The following CDC42BPA variants were observed in gnomAD, a reference collection of about 807,000 sequenced individuals.
CDC42BPA encodes CDC42 binding protein kinase alpha.
In CDC42BPA, 80 loss-of-function variants were observed where a neutral mutation model predicts 223.5. That is an observed-to-expected ratio of 0.36 (90% CI 0.30 to 0.43). CDC42BPA has a LOEUF of 0.43. CDC42BPA is among the 20% of genes least tolerant of loss of function. The pLI is 1.00. For synonymous variants in CDC42BPA, 694 were observed against 718.6 expected, an observed-to-expected ratio of 0.97 and a Z score of 0.55; for missense variants, 1,743 against 2,099.9, an observed-to-expected ratio of 0.83 and a Z score of 3.32.
intron 15 of CDC42BPA, among the ~76,000 whole-genome samples, chr1:227,100,785 C>A (rs1176027286): frequency 5.2e-5 from 4 of 77,238 alleles, no homozygotes; most frequent in Non-Finnish European, 1.2e-4. Flanking sequence ...TGTGCGTGTG[C>A]CATCATACCC....
At chr1:227,092,092 T>C (rs907247235) in intron 15 of CDC42BPA, 101 bp from the exon 16 acceptor site, 10 of 633,070 alleles carry the variant, frequency 1.6e-5, no homozygotes, top group Middle Eastern at 3.7e-4. Context: ...AAATATCAGA[T>C]TGAACTGCAG....
intron 23 of CDC42BPA, 149 bp from the exon 24 acceptor site, chr1:227,040,385 A>G: frequency 1.7e-6 from 1 of 590,530 alleles, no homozygotes; most frequent in Non-Finnish European, 3.0e-6. Context: ...CTTATAGTTT[A>G]TGGTCTTTAA....
Position 227,186,783 on chromosome 1 carries a change from G to A in CDC42BPA, c.599+7003C>T, listed in dbSNP as rs1668843418. Among the ~76,000 whole-genome samples the A allele has an allele frequency of 2.0e-5, 3 of 152,184 alleles. No homozygotes were observed. In the South Asian group the frequency reaches 6.2e-4, roughly 32 times the overall value. On this transcript the variant is annotated intron_variant, in intron 5 of 36. Transcript: ENST00000366766. Reference sequence around the variant, plus strand: ...GCATGCAAAATTTAGTAGGCCCAGAGAGACATGAATATGGGACTTCAGTCA... The same window carrying A: ...GCATGCAAAATTTAGTAGGCCCAGAAAGACATGAATATGGGACTTCAGTCA...
At chr1:227,255,535 C>A (rs1227595890) in intron 1 of CDC42BPA, among the ~76,000 whole-genome samples, 2 of 152,080 alleles carry the variant, frequency 1.3e-5, no homozygotes, top group Admixed American at 6.6e-5. Context: ...TGCCTGTAGT[C>A]CTTAGCTACA....
intron 1 of CDC42BPA, among the ~76,000 whole-genome samples, chr1:227,282,112 C>T (rs958566178): frequency 7.3e-5 from 11 of 150,102 alleles, no homozygotes; most frequent in Admixed American, 4.7e-4. Flanking sequence ...CACTTGAACC[C>T]GGGAGGCAGA....
At chr1:227,190,685 T>C (rs888476016) in intron 5 of CDC42BPA, among the ~76,000 whole-genome samples, 20 of 152,246 alleles carry the variant, frequency 1.3e-4, no homozygotes, top group Non-Finnish European at 4.4e-5. Flanking sequence ...CAATTCCACA[T>C]AGTTTAGCAC....
intron 16 of CDC42BPA, among the ~76,000 whole-genome samples, chr1:227,086,073 GA>G (rs1681825912): frequency 6.6e-6 from 1 of 152,048 alleles, no homozygotes; most frequent in African/African-American, 2.4e-5. Flanking sequence ...TTCTATCAAT[GA>G]AATAACAGAA....
chr1:227,164,873 G>C (rs1227253436), intron 5 of CDC42BPA, among the ~76,000 whole-genome samples: 2 of 152,098 alleles, frequency 1.3e-5, no homozygotes, highest in Non-Finnish European at 2.9e-5. Context: ...TCAATACATA[G>C]TCTTCTTGTA....
intron 6 of CDC42BPA, among the ~76,000 whole-genome samples, chr1:227,150,960 A>G (rs752044517): frequency 7.9e-5 from 12 of 151,812 alleles, no homozygotes; most frequent in Non-Finnish European, 1.6e-4. Context: ...TAAATTTCTT[A>G]GGTTTTTTAA....
At chr1:227,165,401 G>T (rs1043193385) in intron 5 of CDC42BPA, among the ~76,000 whole-genome samples, 1 of 152,112 alleles carries the variant, frequency 6.6e-6, no homozygotes, top group Non-Finnish European at 1.5e-5. Context: ...TGATGTACTC[G>T]AATACTTGAA....
intron 3 of CDC42BPA, among the ~76,000 whole-genome samples, chr1:227,209,051 C>T (rs1673377770): frequency 6.6e-6 from 1 of 150,514 alleles, no homozygotes; most frequent in Non-Finnish European, 1.5e-5. Flanking sequence ...GTTTGTAGTT[C>T]TCCTTGAAGA....
intron 11 of CDC42BPA, among the ~76,000 whole-genome samples, chr1:227,126,813 C>A (rs1360212202): frequency 6.6e-6 from 1 of 152,046 alleles, no homozygotes; most frequent in Non-Finnish European, 1.5e-5. Flanking sequence ...TTTAAAAACC[C>A]TTAGAAGTAC....
intron 16 of CDC42BPA, among the ~76,000 whole-genome samples, chr1:227,089,641 T>G (rs1022522382): frequency 1.4e-5 from 2 of 141,660 alleles, no homozygotes; most frequent in African/African-American, 2.6e-5. Context: ...TTTTTTTTTT[T>G]TTTTTTTTTT....
At chr1:227,069,285 A>G (rs1276050723) in intron 21 of CDC42BPA, 1 of 152,096 alleles carries the variant, frequency 6.6e-6, no homozygotes, top group Non-Finnish European at 1.5e-5. Context: ...TTACATAATC[A>G]CAATTTCATT....
At position 227,258,918 on chromosome 1, in the gene CDC42BPA, C is replaced by T. The variant is rs116053370; in HGVS notation, c.179-4763G>A. ...ATTGAAAAAGATATAATAATCACTACGCTACTGCCCTTGACAAAAATCAAG... is the reference window on the plus strand; with the variant it reads ...ATTGAAAAAGATATAATAATCACTATGCTACTGCCCTTGACAAAAATCAAG... On this transcript the variant is annotated intron_variant, in intron 1 of 36. Transcript: ENST00000366766. Among the ~76,000 whole-genome samples, 965 of 151,074 alleles carry T rather than the reference C, an allele frequency of 6.4e-3. 73 individuals carry two copies. Among genetic ancestry groups the T allele is most frequent in the African/African-American group, 0.023 (910 of 40,422 alleles).
At chr1:227,163,390 T>C (rs569391926) in intron 5 of CDC42BPA, among the ~76,000 whole-genome samples, 39 of 152,322 alleles carry the variant, frequency 2.6e-4, no homozygotes, top group African/African-American at 9.4e-4. Context: ...TTTTAATAAA[T>C]GTCTTCTAGT....
chr1:227,084,891 T>C (rs1352830166), intron 16 of CDC42BPA, among the ~76,000 whole-genome samples: 2 of 152,100 alleles, frequency 1.3e-5, no homozygotes, highest in Non-Finnish European at 1.5e-5. Context: ...CCCTCCCTAA[T>C]GTATGTGAGC....
intron 1 of CDC42BPA, among the ~76,000 whole-genome samples, chr1:227,280,110 G>A (rs908309095): frequency 2.6e-5 from 4 of 151,962 alleles, no homozygotes; most frequent in Non-Finnish European, 5.9e-5. Flanking sequence ...TTAAAACCTT[G>A]TATAAAAAAA....
rs1445971137 is a variant in CDC42BPA at position 227,091,996 on chromosome 1, C to T, written c.2250-5G>A. The T allele has an allele frequency of 1.3e-6, 2 of 1,518,392 alleles. No homozygotes were observed. The highest frequency in any genetic ancestry group is 1.8e-6 in the Non-Finnish European group (2 of 1,111,036). The allele number at this position is 1,518,392 out of a possible 1,614,324, so 94.1% of individuals were successfully genotyped here. A position where few individuals can be genotyped will look rare whatever the true frequency, so the allele number is the denominator to read the frequency against. ...AATTCCTCCCTTTCACTTTGACTAA[C>T]ACAATTCAAAACACAAAAGGAAAAA... On this transcript the variant is annotated splice_polypyrimidine_tract_variant and splice_region_variant and intron_variant, in intron 15 of 36. Coordinates refer to ENST00000366766, the MANE Select transcript of CDC42BPA (RefSeq NM_001394014.1).
Sources: allele counts gnomAD v4.1 joint callset (sites outside exome capture counted in the v4.1 genomes callset), GRCh38; gene constraint gnomAD v4.1.1; transcripts MANE v1.5; gene names NCBI Gene and HGNC (gene_info 2026-07-23, HGNC 2026-07-21).